The following GATB variants were observed in gnomAD, a reference collection of about 807,000 sequenced individuals.
The protein encoded by GATB is glutamyl-tRNA amidotransferase subunit B, also known as glutamyl-tRNA(Gln) amidotransferase subunit B, mitochondrial.
A neutral mutation model predicts 62.3 loss-of-function variants in GATB; 39 were observed. The observed-to-expected ratio is 0.63, with a 90% CI of 0.48 to 0.82. The LOEUF (loss-of-function observed/expected upper bound fraction) is 0.82. GATB is among the 40% of genes least tolerant of loss of function. GATB has a pLI of 0.00. For synonymous variants in GATB, 276 were observed against 258.9 expected, an observed-to-expected ratio of 1.07 and a Z score of -0.63; for missense variants, 670 against 684.0, an observed-to-expected ratio of 0.98 and a Z score of 0.23.
chr4:151,697,937 A>ATATG (rs1738505328), intron 9 of GATB, among the ~76,000 whole-genome samples: 1 of 55,772 alleles, frequency 1.8e-5, no homozygotes, highest in Non-Finnish European at 3.5e-5. Flanking sequence ...TTTCATATAT[A>ATATG]TGTGTGTGTG....
intron 2 of GATB, among the ~76,000 whole-genome samples, chr4:151,731,842 C>G (rs1334841006): frequency 2.0e-5 from 3 of 151,580 alleles, no homozygotes; most frequent in Non-Finnish European, 4.4e-5. Context: ...TGCCCGGCAG[C>G]CGCCCCATCT....
At chr4:151,705,305 ATT>A (rs1302065394) in intron 6 of GATB, 36 bp from the exon 7 acceptor site, 4 of 1,304,106 alleles carry the variant, frequency 3.1e-6, no homozygotes, top group Non-Finnish European at 4.4e-6. Flanking sequence ...TCATATTTTG[ATT>A]ATACCTTTCA....
chr4:151,760,294 C>A (rs1183617724), intron 1 of GATB, among the ~76,000 whole-genome samples: 1 of 152,176 alleles, frequency 6.6e-6, no homozygotes, highest in Non-Finnish European at 1.5e-5. Flanking sequence ...CTTCTTTTGG[C>A]TGCGTCCTCC....
intron 9 of GATB, among the ~76,000 whole-genome samples, chr4:151,700,838 A>G (rs1738587827): frequency 6.6e-6 from 1 of 152,216 alleles, no homozygotes; most frequent in Admixed American, 6.5e-5. Flanking sequence ...AAGGACTGAT[A>G]CTTTTAGTCA....
rs538736740 is a variant in GATB, at chr4:151,739,093, T to C, written c.328-19555A>G. ...CATTTCCTAAGAAAGCTGCAAAGCA[T>C]GACAAAGACCCTTGATTGATTACGC... is the stretch of plus-strand genomic sequence containing the variant. On this transcript the variant is annotated intron_variant, in intron 2 of 12. Transcript: ENST00000263985. Among the ~76,000 whole-genome samples the C allele has an allele frequency of 4.6e-5, 7 of 152,370 alleles. No individual in the cohort carries two copies. The East Asian group carries it at 1.3e-3, about 29-fold the overall frequency.
intron 8 of GATB, chr4:151,703,623 G>A: frequency 1.8e-6 from 1 of 565,828 alleles, no homozygotes; most frequent in East Asian, 3.0e-5. Context: ...TCTTCCAAAA[G>A]CTGAATCAGT....
At chr4:151,671,542 G>A (rs866469957) in intron 12 of GATB, among the ~76,000 whole-genome samples, 1 of 152,162 alleles carries the variant, frequency 6.6e-6, no homozygotes, top group African/African-American at 2.4e-5. Flanking sequence ...AGTGATTGCC[G>A]AAAGCCAGAG....
intron 2 of GATB, among the ~76,000 whole-genome samples, chr4:151,742,568 G>C (rs1024734720): frequency 2.6e-5 from 4 of 152,156 alleles, no homozygotes; most frequent in African/African-American, 7.2e-5. Flanking sequence ...AATGGGACAG[G>C]GGGTATGGGA....
intron 2 of GATB, among the ~76,000 whole-genome samples, chr4:151,750,160 C>T (rs560339957): frequency 1.1e-4 from 16 of 152,294 alleles, no homozygotes; most frequent in African/African-American, 3.1e-4. Context: ...GGATTATAGG[C>T]GTGAGCCACC....
intron 2 of GATB, among the ~76,000 whole-genome samples, chr4:151,741,721 ACT>A (rs1578936032): frequency 2.0e-5 from 3 of 152,274 alleles, no homozygotes; most frequent in South Asian, 2.1e-4. Flanking sequence ...AGGAAAGCGA[ACT>A]CTCAATTTCC....
At chr4:151,675,585 C>G (rs1737983230) in intron 11 of GATB, 1 of 152,204 alleles carries the variant, frequency 6.6e-6, no homozygotes, top group Non-Finnish European at 1.5e-5. Context: ...GGCTGCCGAG[C>G]CCTGTGCTGC....
chr4:151,758,993 C>T, intron 1 of GATB, 71 bp from the exon 2 acceptor site: 1 of 1,081,644 alleles, frequency 9.2e-7, no homozygotes, highest in Admixed American at 2.6e-5. Flanking sequence ...TAAGTCTAAA[C>T]CACAAATGTT....
chr4:151,754,996 T>C lies in GATB; in HGVS notation c.327+3776A>G, dbSNP rs555319843. Among the ~76,000 whole-genome samples the C allele has an allele frequency of 1.5e-4, 23 of 152,328 alleles. No homozygotes were observed. The East Asian group carries it at 4.1e-3, about 27-fold the overall frequency. ...TAACTCAGGAGAGCCTTTGTAAAGA[T>C]AAAAGCCACCAATCATTATGGGTAT... On this transcript the variant is annotated intron_variant, in intron 2 of 12. Transcript: ENST00000263985.
intron 10 of GATB, among the ~76,000 whole-genome samples, chr4:151,683,572 G>A (rs1360932710): frequency 6.6e-6 from 1 of 152,170 alleles, no homozygotes; most frequent in Admixed American, 6.5e-5. Context: ...CCTGGTTGAT[G>A]TCAACCACCT....
rs188943575 is a variant in GATB, at chr4:151,714,531, A to G, written c.763+1478T>C. On this transcript the variant is annotated intron_variant, in intron 5 of 12. Transcript: ENST00000263985. ...GGATTTGTATTTAAAAGAAACAAAA[A>G]GTGTCACAACAAGTGAGATTTAATG... 3.9e-5 allele frequency among the ~76,000 whole-genome samples: 6 copies of G among 152,350 alleles called. No homozygotes were observed. The South Asian group carries it at 6.2e-4, about 16-fold the overall frequency.
chr4:151,712,639 AC>A (rs1228131525), intron 5 of GATB, among the ~76,000 whole-genome samples: 1 of 152,098 alleles, frequency 6.6e-6, no homozygotes, highest in Non-Finnish European at 1.5e-5. Context: ...ACAAGGTTTG[AC>A]CAAAAAAAAA....
At chr4:151,696,386 A>T (rs1377095569) in intron 9 of GATB, among the ~76,000 whole-genome samples, 1 of 152,248 alleles carries the variant, frequency 6.6e-6, no homozygotes, top group Non-Finnish European at 1.5e-5. Flanking sequence ...GAATGTTAAC[A>T]AAAGTACAAA....
At chr4:151,701,020 T>C (rs1738590712) in intron 9 of GATB, among the ~76,000 whole-genome samples, 1 of 152,180 alleles carries the variant, frequency 6.6e-6, no homozygotes, top group Non-Finnish European at 1.5e-5. Context: ...TGGGAAAAAC[T>C]CATCCATAAC....
At chr4:151,673,060 G>T in intron 11 of GATB, 164 bp from the exon 12 acceptor site, 2 of 811,028 alleles carry the variant, frequency 2.5e-6, no homozygotes, top group Non-Finnish European at 3.8e-6. Context: ...TGGCTGCCCT[G>T]CCAGAGCGTT....
Sources: allele counts gnomAD v4.1 joint callset (sites outside exome capture counted in the v4.1 genomes callset), GRCh38; gene constraint gnomAD v4.1.1; transcripts MANE v1.5; gene names NCBI Gene and HGNC (gene_info 2026-07-23, HGNC 2026-07-21).